Variants in NRG3 observed in about 807,000 individuals in gnomAD.
The protein encoded by NRG3 is neuregulin 3.
A neutral mutation model predicts 66.9 loss-of-function variants in NRG3; 31 were observed. The observed-to-expected ratio is 0.46, with a 90% confidence interval of 0.35 to 0.63. NRG3 has a LOEUF of 0.63. Ranked by LOEUF, NRG3 falls within the 20% of genes least tolerant of loss-of-function variation. The pLI is 0.00. For missense variants in NRG3, 910 were observed against 878.9 expected (o/e 1.04, Z -0.45); for synonymous variants, 393 against 359.4 (o/e 1.09, Z -1.06).
chr10:81,978,181 C>T (rs1199045780), intron 1 of NRG3, among the ~76,000 whole-genome samples: 1 of 152,098 alleles, frequency 6.6e-6, no homozygotes, highest in Non-Finnish European at 1.5e-5. Context: ...CCCTCTGTTC[C>T]CCTTACCCCT....
At chr10:82,182,557 C>T (rs1487917824) in intron 1 of NRG3, among the ~76,000 whole-genome samples, 2 of 151,750 alleles carry the variant, frequency 1.3e-5, no homozygotes, top group African/African-American at 4.8e-5. Flanking sequence ...TTACTGATAC[C>T]ACAAATTACA....
intron 1 of NRG3, among the ~76,000 whole-genome samples, chr10:81,998,670 A>G (rs2061042060): frequency 6.6e-6 from 1 of 152,250 alleles, no homozygotes; most frequent in Admixed American, 6.5e-5. Context: ...TGTGATAGAT[A>G]GAGGACCCAA....
chr10:82,733,392 G>C (rs2058013775), intron 2 of NRG3, among the ~76,000 whole-genome samples: 1 of 151,932 alleles, frequency 6.6e-6, no homozygotes. Context: ...TTTTTTGGGG[G>C]GTTGAAACTG....
At chr10:81,906,234 T>C (rs1298558623) in intron 1 of NRG3, among the ~76,000 whole-genome samples, 4 of 152,074 alleles carry the variant, frequency 2.6e-5, no homozygotes, top group African/African-American at 7.2e-5. Flanking sequence ...ATCATCATCA[T>C]GTTCATTGGA....
At chr10:82,461,488 C>T (rs77030111) in intron 2 of NRG3, among the ~76,000 whole-genome samples, 3,539 of 152,272 alleles carry the variant, frequency 0.023, 124 homozygotes, top group African/African-American at 0.074. Context: ...TTTCCACATT[C>T]TTATCATTGC....
chr10:82,344,999 C>T (rs2082915218), intron 1 of NRG3, among the ~76,000 whole-genome samples: 12 of 111,434 alleles, frequency 1.1e-4, no homozygotes, highest in Admixed American at 8.6e-5. Context: ...AAAATTTTCT[C>T]CCATTTTGTA....
intron 2 of NRG3, among the ~76,000 whole-genome samples, chr10:82,514,754 A>G (rs1206297582): frequency 6.6e-6 from 1 of 152,114 alleles, no homozygotes; most frequent in Non-Finnish European, 1.5e-5. Flanking sequence ...TATGTGAAGA[A>G]CTTCAATGGT....
intron 1 of NRG3, among the ~76,000 whole-genome samples, chr10:82,262,310 A>G (rs903821383): frequency 4.6e-5 from 7 of 152,176 alleles, no homozygotes; most frequent in Admixed American, 3.9e-4. Flanking sequence ...TGACATGCCC[A>G]TGTTTTATGC....
chr10:81,890,661 C>T (rs1287339926), intron 1 of NRG3, among the ~76,000 whole-genome samples: 1 of 152,214 alleles, frequency 6.6e-6, no homozygotes, highest in Admixed American at 6.5e-5. Context: ...TATGTGTGTT[C>T]TCATCCTGAT....
intron 1 of NRG3, among the ~76,000 whole-genome samples, chr10:81,886,279 GTATT>G: frequency 6.6e-6 from 1 of 152,238 alleles, no homozygotes; most frequent in Middle Eastern, 3.4e-3. Context: ...TGGTTAACAG[GTATT>G]AGTTATATTA....
chr10:82,594,591 C>T (rs528713409), intron 2 of NRG3, among the ~76,000 whole-genome samples: 2 of 152,246 alleles, frequency 1.3e-5, no homozygotes, highest in African/African-American at 4.8e-5. Flanking sequence ...ACTATAGCCA[C>T]AAAATAGGTA....
intron 2 of NRG3, among the ~76,000 whole-genome samples, chr10:82,511,041 T>G (rs1011463137): frequency 6.6e-6 from 1 of 152,176 alleles, no homozygotes; most frequent in African/African-American, 2.4e-5. Context: ...CATTTCAACA[T>G]TTCTGCATGT....
At chr10:82,152,838 TTTTC>T (rs546619737) in intron 1 of NRG3, among the ~76,000 whole-genome samples, 448 of 148,398 alleles carry the variant, frequency 3.0e-3, no homozygotes, top group Admixed American at 5.8e-3. Flanking sequence ...CTCTTTCTCT[TTTTC>T]TTTCTTTCTT....
Position 82,593,729 on chromosome 10 carries a change from A to G in NRG3, c.954-144848A>G, listed in dbSNP as rs577683852. Among the ~76,000 whole-genome samples the G allele has an allele frequency of 2.6e-5, 4 of 152,142 alleles. No individual in the cohort carries two copies. The East Asian group carries it at 7.7e-4, about 29-fold the overall frequency. On this transcript the variant is annotated intron_variant, in intron 2 of 8. Transcript: ENST00000372141. ...ATACCTACTTTTAAGAAATACCTTC[A>G]TTTTTGTTTTTTATTAGCCATGTAA...
At chr10:82,036,545 A>G (rs1290102329) in intron 1 of NRG3, among the ~76,000 whole-genome samples, 2 of 152,134 alleles carry the variant, frequency 1.3e-5, no homozygotes, top group Non-Finnish European at 2.9e-5. Flanking sequence ...ATATGATGCT[A>G]AAATAAAGGC....
At chr10:82,746,423 C>T (rs1461216110) in intron 3 of NRG3, among the ~76,000 whole-genome samples, 1 of 152,152 alleles carries the variant, frequency 6.6e-6, no homozygotes, top group East Asian at 1.9e-4. Context: ...AGACAGTTCC[C>T]AACTGGTTCT....
intron 3 of NRG3, among the ~76,000 whole-genome samples, chr10:82,837,640 G>C (rs541872489): frequency 6.6e-6 from 1 of 152,160 alleles, no homozygotes; most frequent in Non-Finnish European, 1.5e-5. Context: ...ATACAACCCA[G>C]ACTAACCAGC....
chr10:82,050,963 T>TA (rs2063564388), intron 1 of NRG3, among the ~76,000 whole-genome samples: 1 of 152,084 alleles, frequency 6.6e-6, no homozygotes, highest in Admixed American at 6.6e-5. Flanking sequence ...AGAGGGAATT[T>TA]ATATTTTCTC....
intron 1 of NRG3, among the ~76,000 whole-genome samples, chr10:82,235,461 T>C (rs917524647): frequency 6.6e-6 from 1 of 152,186 alleles, no homozygotes; most frequent in African/African-American, 2.4e-5. Flanking sequence ...TGGATTTTGT[T>C]TACATCTTCC....
Sources: allele counts gnomAD v4.1 joint callset (sites outside exome capture counted in the v4.1 genomes callset), GRCh38; gene constraint gnomAD v4.1.1; transcripts MANE v1.5; gene names NCBI Gene and HGNC (gene_info 2026-07-23, HGNC 2026-07-21).